Variants in TSNARE1 observed in about 807,000 individuals in gnomAD.
TSNARE1 encodes t-SNARE domain-containing protein 1.
Under a neutral mutation model 62.0 loss-of-function variants are expected in TSNARE1, and 49 were observed. That is an observed-to-expected ratio of 0.79 (90% CI 0.63 to 1.00). The LOEUF (loss-of-function observed/expected upper bound fraction) is 1.00, where lower values mean the gene tolerates loss of function less well. Among genes scored for constraint, TSNARE1 ranks in the 50% least tolerant of loss-of-function variants. TSNARE1 has a pLI of 0.00. For missense variants in TSNARE1, 755 were observed against 700.1 expected (o/e 1.08, Z -0.88); for synonymous variants, 328 against 294.4 (o/e 1.11, Z -1.17).
chr8:142,302,961 G>A (rs1712200257), intron 9 of TSNARE1, among the ~76,000 whole-genome samples: 1 of 152,056 alleles, frequency 6.6e-6, no homozygotes, highest in African/African-American at 2.4e-5. Flanking sequence ...TAAGCATGGA[G>A]GCACTAGGGG....
At chr8:142,279,394 G>A (rs1821027647) in intron 11 of TSNARE1, among the ~76,000 whole-genome samples, 5 of 152,314 alleles carry the variant, frequency 3.3e-5, no homozygotes, top group Admixed American at 2.0e-4. Flanking sequence ...GGCTGCACCC[G>A]CTGCTGCTGC....
chr8:142,388,077 C>A (rs975262382), intron 1 of TSNARE1, among the ~76,000 whole-genome samples: 13 of 152,018 alleles, frequency 8.6e-5, no homozygotes, highest in Non-Finnish European at 1.5e-4. Context: ...GAAGTATAAT[C>A]AAGGAATTTA....
chr8:142,218,552 G>A (rs1563751803), intron 13 of TSNARE1, among the ~76,000 whole-genome samples: 2 of 152,296 alleles, frequency 1.3e-5, no homozygotes, highest in East Asian at 3.9e-4. Flanking sequence ...AAATAGCATG[G>A]GCCACCCCTC....
At chr8:142,305,716 G>T (rs1236678547) in intron 9 of TSNARE1, among the ~76,000 whole-genome samples, 1 of 152,226 alleles carries the variant, frequency 6.6e-6, no homozygotes, top group African/African-American at 2.4e-5. Flanking sequence ...CCGAGGCTGG[G>T]ATTAGGGATT....
chr8:142,364,912 G>A (rs1366902928), intron 1 of TSNARE1, among the ~76,000 whole-genome samples: 1 of 152,198 alleles, frequency 6.6e-6, no homozygotes, highest in Non-Finnish European at 1.5e-5. Flanking sequence ...AAGGAATGAT[G>A]GAACCAGCAA....
chr8:142,298,145 C>G (rs1825080495), intron 10 of TSNARE1, among the ~76,000 whole-genome samples: 1 of 152,220 alleles, frequency 6.6e-6, no homozygotes, highest in Admixed American at 6.5e-5. Flanking sequence ...AAGCCCAGGC[C>G]CGAGTGAGTT....
chr8:142,236,054 G>A (rs1034249347), intron 12 of TSNARE1, among the ~76,000 whole-genome samples: 2 of 152,162 alleles, frequency 1.3e-5, no homozygotes, highest in African/African-American at 4.8e-5. Context: ...CAAGGACTCC[G>A]CAGCCAGGCT....
At chr8:142,256,029 T>A (rs1002383037) in intron 12 of TSNARE1, among the ~76,000 whole-genome samples, 1 of 3,458 alleles carries the variant, frequency 2.9e-4, no homozygotes, top group African/African-American at 1.2e-3. Context: ...CCACCACCAC[T>A]GTCACCGTCA....
intron 12 of TSNARE1, chr8:142,272,876 C>G (rs1476170949): frequency 1.0e-6 from 1 of 984,628 alleles, no homozygotes; most frequent in Non-Finnish European, 1.2e-6. Context: ...CCTCAACCCT[C>G]CTGACACCGT....
At chr8:142,345,362 G>A (rs1056466944) in intron 3 of TSNARE1, among the ~76,000 whole-genome samples, 2 of 152,180 alleles carry the variant, frequency 1.3e-5, no homozygotes, top group East Asian at 1.9e-4. Context: ...AGAGGTCACC[G>A]CACCTGTTCC....
intron 1 of TSNARE1, among the ~76,000 whole-genome samples, chr8:142,361,537 G>A (rs940938121): frequency 5.3e-5 from 8 of 152,322 alleles, no homozygotes; most frequent in Non-Finnish European, 8.8e-5. Flanking sequence ...GGGCACGGGC[G>A]ACCTGTGGCC....
intron 2 of TSNARE1, among the ~76,000 whole-genome samples, chr8:142,353,586 C>T (rs566294022): frequency 6.6e-6 from 1 of 152,346 alleles, no homozygotes; most frequent in African/African-American, 2.4e-5. Flanking sequence ...AGGCAGCCGC[C>T]CTCTCGAGCA....
intron 10 of TSNARE1, among the ~76,000 whole-genome samples, chr8:142,289,015 T>A (rs956626617): frequency 9.2e-5 from 14 of 152,142 alleles, no homozygotes; most frequent in Non-Finnish European, 1.5e-5. Flanking sequence ...AACGCAGCAT[T>A]TGTGTGAAGC....
At chr8:142,273,642 C>T (rs577398602) in intron 12 of TSNARE1, 10 of 985,382 alleles carry the variant, frequency 1.0e-5, no homozygotes, top group South Asian at 4.7e-5. Context: ...TCATGGCCCC[C>T]GACAGAAATG....
intron 11 of TSNARE1, among the ~76,000 whole-genome samples, chr8:142,283,785 GCGGGGC>G: frequency 7.4e-6 from 1 of 134,414 alleles, no homozygotes; most frequent in East Asian, 2.2e-4. Context: ...ATGAACAGAG[GCGGGGC>G]CAGTGTCTGT....
At chr8:142,253,679 G>A (rs1818288484) in intron 12 of TSNARE1, among the ~76,000 whole-genome samples, 1 of 152,218 alleles carries the variant, frequency 6.6e-6, no homozygotes, top group Non-Finnish European at 1.5e-5. Flanking sequence ...TTCCTTGCAA[G>A]GCCTCAGGCA....
At chr8:142,294,133 C>T (rs911403384) in intron 10 of TSNARE1, among the ~76,000 whole-genome samples, 4 of 151,950 alleles carry the variant, frequency 2.6e-5, no homozygotes, top group Admixed American at 2.0e-4. Context: ...GGACCCCCTG[C>T]GGACCTCAGA....
intron 1 of TSNARE1, among the ~76,000 whole-genome samples, chr8:142,394,785 C>T (rs1445856515): frequency 6.6e-6 from 1 of 152,218 alleles, no homozygotes. Context: ...GTCACCGCAG[C>T]ACTCCCCACG....
Position 142,282,403 on chromosome 8 carries a change from G to GA in TSNARE1, c.1363+2009_1363+2010insT, listed in dbSNP as rs776493124. ...AGGGACCAGCGTCTGTCAATGATCA[G>GA]GGTGGGGCCAGTGTCTATTAATGAG... On this transcript the variant is annotated intron_variant, in intron 11 of 13. Transcript: ENST00000524325. 4.4e-3 allele frequency among the ~76,000 whole-genome samples: 666 copies of GA among 150,304 alleles called. 3 individuals carry two copies. Among genetic ancestry groups the GA allele is most frequent in the Non-Finnish European group, 6.5e-3 (435 of 66,740 alleles).
Sources: allele counts gnomAD v4.1 joint callset (sites outside exome capture counted in the v4.1 genomes callset), GRCh38; gene constraint gnomAD v4.1.1; transcripts MANE v1.5; gene names NCBI Gene and HGNC (gene_info 2026-07-23, HGNC 2026-07-21).